Variants in ZMIZ1 observed in about 807,000 individuals in gnomAD.
The protein encoded by ZMIZ1 is zinc finger MIZ domain-containing protein 1.
In ZMIZ1, 17 loss-of-function variants were observed where a neutral mutation model predicts 113.9. The ratio of observed to expected loss-of-function variants is 0.15; its 90% CI spans 0.10 to 0.22. The LOEUF (loss-of-function observed/expected upper bound fraction) is 0.22. ZMIZ1 is among the 10% of genes least tolerant of loss of function. The probability of loss-of-function intolerance (pLI) is 1.00; values close to 1 mark genes in which losing one functional copy is unlikely to be tolerated. For missense variants in ZMIZ1, 1,059 were observed against 1,477.8 expected (o/e 0.72, Z 4.65); for synonymous variants, 607 against 603.1 (o/e 1.01, Z -0.09).
At chr10:79,230,427 C>A (rs1397065133) in intron 7 of ZMIZ1, among the ~76,000 whole-genome samples, 4 of 152,240 alleles carry the variant, frequency 2.6e-5, no homozygotes, top group Non-Finnish European at 5.9e-5. Flanking sequence ...CTCCTGAGGA[C>A]CCTCAGCCAA....
At chr10:79,185,116 G>T (rs1016942604) in intron 4 of ZMIZ1, among the ~76,000 whole-genome samples, 2 of 151,840 alleles carry the variant, frequency 1.3e-5, no homozygotes, top group Non-Finnish European at 3.0e-5. Flanking sequence ...GATAATTGTC[G>T]GGAGCATCCC....
intron 8 of ZMIZ1, among the ~76,000 whole-genome samples, chr10:79,277,925 G>A (rs561850980): frequency 6.6e-5 from 10 of 152,340 alleles, no homozygotes; most frequent in East Asian, 1.9e-4. Flanking sequence ...CTCTCTGAGC[G>A]CTCTGCAGGC....
intron 4 of ZMIZ1, among the ~76,000 whole-genome samples, chr10:79,184,912 A>G (rs552161349): frequency 6.6e-6 from 1 of 152,306 alleles, no homozygotes; most frequent in South Asian, 2.1e-4. Context: ...CTTGCTTCCA[A>G]GCAGTTCCTG....
At chr10:79,101,356 G>A (rs1261782386) in intron 1 of ZMIZ1, among the ~76,000 whole-genome samples, 1 of 152,150 alleles carries the variant, frequency 6.6e-6, no homozygotes, top group Non-Finnish European at 1.5e-5. Flanking sequence ...TGAGGCAGAG[G>A]GAACAGCATA....
At chr10:79,184,525 C>G (rs1326002486) in intron 4 of ZMIZ1, among the ~76,000 whole-genome samples, 1 of 152,176 alleles carries the variant, frequency 6.6e-6, no homozygotes, top group African/African-American at 2.4e-5. Flanking sequence ...CCAGAGGCGC[C>G]CGGATAAGTG....
At chr10:79,207,227 G>C (rs1848352663) in intron 5 of ZMIZ1, among the ~76,000 whole-genome samples, 1 of 152,170 alleles carries the variant, frequency 6.6e-6, no homozygotes, top group South Asian at 2.1e-4. Flanking sequence ...CTGTTCTGTT[G>C]TTTCTCCCAG....
At chr10:79,279,273 C>T (rs1335287925) in intron 8 of ZMIZ1, among the ~76,000 whole-genome samples, 1 of 151,942 alleles carries the variant, frequency 6.6e-6, no homozygotes, top group Admixed American at 6.5e-5. Context: ...AGACGCTCCT[C>T]ACCTCCCAGA....
At chr10:79,114,762 C>T (rs1843949000) in intron 1 of ZMIZ1, among the ~76,000 whole-genome samples, 1 of 152,054 alleles carries the variant, frequency 6.6e-6, no homozygotes, top group Non-Finnish European at 1.5e-5. Flanking sequence ...TGAGAATCTC[C>T]CCTCCCCCTG....
Position 79,166,003 on chromosome 10 carries a change from G to GTGTGTGT in ZMIZ1, c.-50+3870_-50+3871insTGTGTGT, listed in dbSNP as rs1309575802. On this transcript the variant is annotated intron_variant, in intron 4 of 24. Coordinates refer to ENST00000334512, the MANE Select transcript of ZMIZ1 (RefSeq NM_020338.4). ...GTGTGTGTGTGTGTGTGTGTGTGTGGGCTCTCCCTGCAGGGTGGGGCAGTG... is the reference window on the plus strand; with the variant it reads ...GTGTGTGTGTGTGTGTGTGTGTGTGGTGTGTGTGCTCTCCCTGCAGGGTGGGGCAGTG... 2.9e-3 allele frequency among the ~76,000 whole-genome samples: 129 copies of GTGTGTGT among 44,506 alleles called. 2 individuals are homozygous for GTGTGTGT. The highest frequency in any genetic ancestry group is 0.013 in the Middle Eastern group (1 of 78). The allele number at this position is 44,506 out of a possible 152,430, so 29.2% of individuals were successfully genotyped here. A position where few individuals can be genotyped will look rare whatever the true frequency, so the allele number is the denominator to read the frequency against.
intron 3 of ZMIZ1, among the ~76,000 whole-genome samples, chr10:79,145,029 T>C (rs1208787676): frequency 6.6e-6 from 1 of 152,014 alleles, no homozygotes; most frequent in Non-Finnish European, 1.5e-5. Context: ...TTTCTTCCTC[T>C]TGCCCAGCTG....
chr10:79,268,587 C>T (rs957580363), intron 7 of ZMIZ1, among the ~76,000 whole-genome samples: 2 of 152,216 alleles, frequency 1.3e-5, no homozygotes, highest in Non-Finnish European at 1.5e-5. Context: ...TGCTAAACGC[C>T]GTGCTGGGTG....
intron 7 of ZMIZ1, chr10:79,243,655 G>A: frequency 3.3e-6 from 1 of 298,658 alleles, no homozygotes; most frequent in Non-Finnish European, 6.7e-6. Context: ...AATCCTACCC[G>A]GAGTCGCTCG....
Position 79,291,149 on chromosome 10 carries a change from A to C in ZMIZ1, c.731A>C (p.Tyr244Ser). The C allele has an allele frequency of 6.2e-7, 1 of 1,611,294 alleles. No homozygotes were observed. The change falls in exon 10 of 25, where the codon TAC becomes TCC. Residue 244 changes from tyrosine to serine, a missense_variant. Coordinates refer to ENST00000334512, the MANE Select transcript of ZMIZ1 (RefSeq NM_020338.4). The stretch of plus-strand genomic sequence containing the variant: ...CAGAGCATGTATGGCCGGCCCAACT[A>C]CCCCGGCAGCGGGGGCTTTGGGGCC... ...IQQSMYGRPN[Y>S]PGSGGFGASY...
rs960226248 is a variant in ZMIZ1 at position 79,201,771 on chromosome 10, G to T, written c.60+79G>T. The T allele has an allele frequency of 2.6e-6, 4 of 1,523,036 alleles. No homozygotes were observed. The African/African-American group carries it at 4.1e-5, about 16-fold the overall frequency. 94.3% of individuals were successfully genotyped at this position (1,523,036 alleles called of 1,614,324 possible). On this transcript the variant is annotated intron_variant, in intron 5 of 24. Transcript: ENST00000334512. ...GCAGCAGGGCATCTGGTGGGTTCTG[G>T]CTGGAGACGATGGCAGGGCCTCCTG...
chr10:79,070,480 A>C (rs1342229993), intron 1 of ZMIZ1, among the ~76,000 whole-genome samples: 1 of 141,766 alleles, frequency 7.1e-6, no homozygotes, highest in Non-Finnish European at 1.6e-5. Context: ...CACTCCAGGA[A>C]TGTAAACAAC....
chr10:79,305,294 G>T, intron 20 of ZMIZ1, 63 bp downstream of exon 20: 1 of 1,575,184 alleles, frequency 6.3e-7, no homozygotes, highest in Non-Finnish European at 8.7e-7. Context: ...GGAGGGGCCA[G>T]CTACCTCCCA....
intron 7 of ZMIZ1, among the ~76,000 whole-genome samples, chr10:79,264,043 A>G (rs1005436661): frequency 2.0e-5 from 3 of 152,238 alleles, no homozygotes; most frequent in Non-Finnish European, 4.4e-5. Flanking sequence ...AGTGATGTTT[A>G]GCCCCGAGGA....
At chr10:79,247,824 G>C (rs945402172) in intron 7 of ZMIZ1, among the ~76,000 whole-genome samples, 9 of 152,228 alleles carry the variant, frequency 5.9e-5, no homozygotes, top group African/African-American at 2.2e-4. Flanking sequence ...AAGCTCCCCA[G>C]ATAATTCTGA....
rs1385910949 is a variant in ZMIZ1 at position 79,292,190 on chromosome 10, T to C, written c.791T>C (p.Met264Thr). The change falls in exon 11 of 25, where the codon ATG becomes ACG. Residue 264 changes from methionine to threonine, a missense_variant. Transcript: ENST00000334512. Reference sequence around the variant, plus strand: ...GGGGGTCCTAACGCCCCCGCAGGCATGGGCATCCCTCCGCACACCAGGCCG... The same window carrying C: ...GGGGGTCCTAACGCCCCCGCAGGCACGGGCATCCCTCCGCACACCAGGCCG... Reference protein sequence around the residue: ...YPGGPNAPAGMGIPPHTRPPA... With the variant: ...YPGGPNAPAGTGIPPHTRPPA... 2.5e-6 allele frequency: 4 copies of C among 1,611,514 alleles called. No homozygotes were observed. Among genetic ancestry groups the C allele is most frequent in the African/African-American group, 1.3e-5 (1 of 74,978 alleles).
Sources: allele counts gnomAD v4.1 joint callset (sites outside exome capture counted in the v4.1 genomes callset), GRCh38; gene constraint gnomAD v4.1.1; transcripts MANE v1.5; gene names NCBI Gene and HGNC (gene_info 2026-07-23, HGNC 2026-07-21).